The following ABCG5 variants were observed in gnomAD, a reference collection of about 807,000 sequenced individuals.
ABCG5 encodes the protein ATP binding cassette subfamily G member 5, also known as ATP-binding cassette sub-family G member 5.
A neutral mutation model predicts 64.5 loss-of-function variants in ABCG5; 64 were observed. That is an observed-to-expected ratio of 0.99 (90% CI 0.81 to 1.22). The LOEUF (loss-of-function observed/expected upper bound fraction) is 1.22, where lower values mean the gene tolerates loss of function less well. ABCG5 is among the 50% of genes most tolerant of loss of function. ABCG5 has a pLI of 0.00. For synonymous variants in ABCG5, 385 were observed against 326.3 expected, an observed-to-expected ratio of 1.18 and a Z score of -1.94; for missense variants, 908 against 829.5, an observed-to-expected ratio of 1.09 and a Z score of -1.16.
chr2:43,824,758 T>A, intron 7 of ABCG5, 131 bp downstream of exon 7: 1 of 1,471,488 alleles, frequency 6.8e-7, no homozygotes, highest in Non-Finnish European at 9.2e-7. Flanking sequence ...CCAAATTGAT[T>A]CCTTGAAGAG....
At chr2:43,814,982 T>C (rs1666722301) in intron 11 of ABCG5, among the ~76,000 whole-genome samples, 1 of 152,196 alleles carries the variant, frequency 6.6e-6, no homozygotes, top group African/African-American at 2.4e-5. Context: ...AAGACCTTAA[T>C]TTAACAGTTC....
At chr2:43,822,397 G>T in intron 10 of ABCG5, 2 of 439,488 alleles carry the variant, frequency 4.6e-6, no homozygotes, top group Non-Finnish European at 3.0e-6. Flanking sequence ...TGCCTCCTCT[G>T]TTGGTTGCTG....
At chr2:43,819,528 A>T (rs1667052551) in intron 11 of ABCG5, among the ~76,000 whole-genome samples, 2 of 151,120 alleles carry the variant, frequency 1.3e-5, no homozygotes, top group East Asian at 3.9e-4. Flanking sequence ...AATAACTGGG[A>T]ATTGAGAACT....
downstream of ABCG5, chr2:43,810,617 A>G: frequency 1.5e-6 from 1 of 676,568 alleles, no homozygotes; most frequent in Non-Finnish European, 1.8e-6. Context: ...AGATAAGCAC[A>G]TTTACTACCC....
chr2:43,838,214 C>G lies in ABCG5; in HGVS notation c.144-259G>C. On this transcript the variant is annotated intron_variant, in intron 1 of 12. Transcript: ENST00000405322. The surrounding 1 kb of genome is among the most constrained non-coding windows in gnomAD (Gnocchi z 4.2). ...GCTGCGAGGTGGCTGTCCCTGCATT[C>G]TTTCACCAGGTTTCAAGACTCCTTG... The G allele has an allele frequency of 1.7e-6, 1 of 597,504 alleles. No individual in the cohort carries two copies. The highest frequency in any genetic ancestry group is 3.0e-6 in the Non-Finnish European group (1 of 338,320). The allele number at this position is 597,504 out of a possible 1,614,324, so 37.0% of individuals were successfully genotyped here.
rs1352124768 is a variant in ABCG5, at chr2:43,826,390, G to A, written c.766C>T (p.Leu256Phe). 1 of 1,613,984 alleles carries A rather than the reference G, an allele frequency of 6.2e-7. No homozygotes were observed. Among genetic ancestry groups the A allele is most frequent in the African/African-American group, 1.3e-5 (1 of 74,990 alleles). ...CGAGTTGAACCTCTTACCTGAAAAA[G>A]CTCAGAACGGGGCTGGTGAATGGTG... ...VLTIHQPRSE[L>F]FQLFDKIAIL... The change falls in exon 6 of 13, where the codon CTT becomes TTT. Residue 256 changes from leucine (L) to phenylalanine (F), a missense_variant. Physicochemically the swap from Leu to Phe is conservative, Grantham distance 22. Coordinates refer to ENST00000405322, the MANE Select transcript of ABCG5 (RefSeq NM_022436.3).
chr2:43,827,266 A>G (rs193163183), intron 5 of ABCG5, among the ~76,000 whole-genome samples: 226 of 151,646 alleles, frequency 1.5e-3, no homozygotes, highest in Non-Finnish European at 2.6e-3. Flanking sequence ...TGGAGGTTGC[A>G]GTGAGCCAAG....
At chr2:43,831,124 C>T (rs186475804) in intron 4 of ABCG5, among the ~76,000 whole-genome samples, 4 of 152,168 alleles carry the variant, frequency 2.6e-5, no homozygotes, top group Non-Finnish European at 5.9e-5. Context: ...ATATTATTTA[C>T]AGCCAAAAAT....
upstream of ABCG5, chr2:43,839,089 G>A (rs368998235): frequency 2.4e-5 from 37 of 1,551,170 alleles, no homozygotes; most frequent in Non-Finnish European, 3.0e-5. Flanking sequence ...GAGGGCTGCC[G>A]AAAGGGGCCA....
At position 43,838,708 on chromosome 2, in the gene ABCG5, T is replaced by C. The variant is rs768631164; in HGVS notation, c.-29A>G. The C allele has an allele frequency of 6.2e-7, 1 of 1,611,590 alleles. No homozygotes were observed. Among genetic ancestry groups the C allele is most frequent in the Admixed American group, 1.7e-5 (1 of 59,852 alleles). On this transcript the variant is annotated 5_prime_UTR_variant, in exon 1 of 13. Coordinates refer to ENST00000405322, the MANE Select transcript of ABCG5 (RefSeq NM_022436.3). The surrounding 1 kb of genome is among the most constrained non-coding windows in gnomAD (Gnocchi z 4.2). ...CAACAGGCAGCAAAGCTGGGCAAAT[T>C]TTCTGGTGGCCGGACCCTCCCCAGA...
At chr2:43,809,012 A>G (rs943848563), downstream of ABCG5, among the ~76,000 whole-genome samples, 1 of 151,078 alleles carries the variant, frequency 6.6e-6, no homozygotes, top group Non-Finnish European at 1.5e-5. Context: ...TTTTTGTGAC[A>G]GGATCTCACT....
In ABCG5 at chr2:43,819,946, C is replaced by T. The variant is rs878892206; in HGVS notation, c.1618G>A (p.Ala540Thr). ...VNSVVALLSI[A>T]GVLVGSGFLR... ...AATCCAGATCCAACAAGCACCCCCG[C>T]AATGGACAGCAGAGCCACTACACTG... The change falls in exon 11 of 13, where the codon GCG becomes ACG. Residue 540 changes from alanine (A) to threonine (T), a missense_variant. Physicochemically the swap from Ala to Thr is moderately conservative, Grantham distance 58 (BLOSUM62 0). Coordinates refer to ENST00000405322, the MANE Select transcript of ABCG5 (RefSeq NM_022436.3). The T allele has an allele frequency of 6.2e-7, 1 of 1,613,958 alleles. No individual in the cohort carries two copies.
intron 4 of ABCG5, 98 bp downstream of exon 4, chr2:43,831,671 C>G (rs1304840272): frequency 2.4e-6 from 3 of 1,245,374 alleles, no homozygotes; most frequent in Non-Finnish European, 3.4e-6. Context: ...GAGTGACGAG[C>G]AAAGGGAAGG....
Position 43,814,482 on chromosome 2 carries a change from G to A in ABCG5, c.1757C>T (p.Thr586Ile), listed in dbSNP as rs1666689801. 6.3e-7 allele frequency: 1 copy of A among 1,594,230 alleles called. No homozygotes were observed. Among genetic ancestry groups the A allele is most frequent in the South Asian group, 1.1e-5 (1 of 90,624 alleles). The change falls in exon 12 of 13, where the codon ACT (threonine) becomes ATT (isoleucine). Residue 586 changes from threonine to isoleucine, a missense_variant. Physicochemically the swap from Thr to Ile is moderately conservative, Grantham distance 89. Coordinates refer to ENST00000405322, the MANE Select transcript of ABCG5 (RefSeq NM_022436.3). ...TCCCCAAATAGAATACTTACCACAAGTGAAATTCAGTCCGTAGAACTCATT... is the reference window on the plus strand; with the variant it reads ...TCCCCAAATAGAATACTTACCACAAATGAAATTCAGTCCGTAGAACTCATT... ...VVNEFYGLNFTCGSSNVSVTT... is the reference protein window; with the variant it reads ...VVNEFYGLNFICGSSNVSVTT...
chr2:43,808,766 A>G (rs1572727326), downstream of ABCG5, among the ~76,000 whole-genome samples: 1 of 152,142 alleles, frequency 6.6e-6, no homozygotes, highest in East Asian at 1.9e-4. Flanking sequence ...TCATGTGGCC[A>G]CTGTTATTTT....
downstream of ABCG5, chr2:43,810,440 C>G (rs1244322607): frequency 1.1e-5 from 11 of 985,220 alleles, no homozygotes; most frequent in Non-Finnish European, 1.3e-5. Flanking sequence ...TTGCGGATAA[C>G]CAGGATTATT....
intron 10 of ABCG5, among the ~76,000 whole-genome samples, chr2:43,822,332 A>G (rs1023927480): frequency 3.3e-5 from 5 of 151,732 alleles, no homozygotes; most frequent in African/African-American, 1.2e-4. Flanking sequence ...CTCCTTCCTC[A>G]TCCTCTCTGA....
downstream of ABCG5, among the ~76,000 whole-genome samples, chr2:43,808,592 A>T (rs1666358189): frequency 6.6e-6 from 1 of 152,220 alleles, no homozygotes; most frequent in Admixed American, 6.5e-5. Context: ...TGCCTTGTGC[A>T]GGATAGCCAC....
Position 43,838,460 on chromosome 2 carries a change from T to G in ABCG5, c.143+77A>C. 7.0e-7 allele frequency: 1 copy of G among 1,424,234 alleles called. No homozygotes were observed. Among genetic ancestry groups the G allele is most frequent in the Non-Finnish European group, 9.6e-7 (1 of 1,037,374 alleles). The allele number at this position is 1,424,234 out of a possible 1,614,324, so 88.2% of individuals were successfully genotyped here. Reference sequence around the variant, plus strand: ...AGTGCCCAGACTGGCACTTAAAGAGTGAAGAAAGGCAGCAGAGGGGTGAGC... The same window carrying G: ...AGTGCCCAGACTGGCACTTAAAGAGGGAAGAAAGGCAGCAGAGGGGTGAGC... On this transcript the variant is annotated intron_variant, in intron 1 of 12. Coordinates refer to ENST00000405322, the MANE Select transcript of ABCG5 (RefSeq NM_022436.3). This position sits in a 1 kb window ranked among gnomAD's most constrained non-coding sequence, Gnocchi z 4.2.
Sources: gnomAD v4.1 joint callset for allele counts (sites outside exome capture counted in the v4.1 genomes callset) on GRCh38, gnomAD v4.1.1 for gene constraint, Gnocchi (gnomAD v3.1) non-coding constraint, MANE v1.5 for transcripts, NCBI Gene and HGNC (gene_info 2026-07-23, HGNC 2026-07-21) for gene names.